GAS2: variants seen among roughly 807,000 people sequenced by gnomAD.
The protein encoded by GAS2 is growth arrest-specific protein 2.
A neutral mutation model predicts 37.5 loss-of-function variants in GAS2; 20 were observed. That is an observed-to-expected ratio of 0.53 (90% confidence interval 0.37 to 0.77). The LOEUF (loss-of-function observed/expected upper bound fraction) is 0.77, where lower values mean the gene tolerates loss of function less well. Among genes scored for constraint, GAS2 ranks in the 30% least tolerant of loss-of-function variants. GAS2 has a pLI of 0.00. For synonymous variants in GAS2, 144 were observed against 132.2 expected, an observed-to-expected ratio of 1.09 and a Z score of -0.61; for missense variants, 336 against 373.4, an observed-to-expected ratio of 0.90 and a Z score of 0.82.
At chr11:22,643,253 A>G (rs1047781740) in intron 1 of GAS2, among the ~76,000 whole-genome samples, 2 of 152,126 alleles carry the variant, frequency 1.3e-5, no homozygotes, top group Non-Finnish European at 2.9e-5. Context: ...GGATTAAAAT[A>G]TAAAAAAGGA....
intron 3 of GAS2, among the ~76,000 whole-genome samples, chr11:22,713,423 G>T (rs113449442): frequency 0.019 from 2,894 of 152,176 alleles, 103 homozygotes; most frequent in African/African-American, 0.066. Flanking sequence ...TAAAAGTTTG[G>T]AAAATTTATT....
chr11:22,650,114 T>G (rs1291331954), intron 1 of GAS2, among the ~76,000 whole-genome samples: 1 of 152,176 alleles, frequency 6.6e-6, no homozygotes, highest in East Asian at 1.9e-4. Flanking sequence ...TCTGGTATGT[T>G]GTGTCTTTTT....
chr11:22,731,415 A>G, intron 4 of GAS2: 4 of 423,564 alleles, frequency 9.4e-6, no homozygotes, highest in Admixed American at 2.8e-5. Context: ...TCTGCGGTGT[A>G]GCATGCAAAT....
chr11:22,704,782 G>A (rs191535037), intron 3 of GAS2, among the ~76,000 whole-genome samples: 271 of 151,588 alleles, frequency 1.8e-3, no homozygotes, highest in Non-Finnish European at 3.2e-3. Context: ...GATTAACACA[G>A]GAGAGATTAA....
intron 3 of GAS2, among the ~76,000 whole-genome samples, chr11:22,714,117 A>G (rs142896816): frequency 9.5e-4 from 145 of 152,308 alleles, no homozygotes; most frequent in African/African-American, 2.8e-3. Context: ...AGTGTCTGCC[A>G]TCTTCAAGAG....
At chr11:22,793,623 G>A (rs1009979932) in intron 7 of GAS2, among the ~76,000 whole-genome samples, 1 of 152,124 alleles carries the variant, frequency 6.6e-6, no homozygotes, top group Non-Finnish European at 1.5e-5. Context: ...GAAAGTTTCT[G>A]AGAGAGAAAT....
At chr11:22,750,439 C>T (rs750984808) in intron 6 of GAS2, among the ~76,000 whole-genome samples, 3 of 152,034 alleles carry the variant, frequency 2.0e-5, no homozygotes, top group Admixed American at 6.6e-5. Flanking sequence ...CTGTTAAGGG[C>T]AGCAAGCATA....
intron 3 of GAS2, among the ~76,000 whole-genome samples, chr11:22,690,134 G>T (rs1185029367): frequency 6.6e-6 from 1 of 152,070 alleles, no homozygotes; most frequent in Non-Finnish European, 1.5e-5. Flanking sequence ...TTACAGCTGT[G>T]TAAACAAATT....
intron 2 of GAS2, among the ~76,000 whole-genome samples, chr11:22,680,426 AC>A (rs1849624505): frequency 6.6e-6 from 1 of 152,086 alleles, no homozygotes; most frequent in Non-Finnish European, 1.5e-5. Flanking sequence ...CAAACTTGAA[AC>A]TTTTGTCTCA....
chr11:22,664,680 A>G (rs967974635), upstream of GAS2, among the ~76,000 whole-genome samples: 7 of 152,158 alleles, frequency 4.6e-5, no homozygotes, highest in African/African-American at 1.7e-4. Context: ...TCCACACTAA[A>G]CTAAGAAAAT....
At chr11:22,664,169 C>T (rs1211661250), upstream of GAS2, among the ~76,000 whole-genome samples, 1 of 151,990 alleles carries the variant, frequency 6.6e-6, no homozygotes, top group Non-Finnish European at 1.5e-5. Context: ...CAAATTTAAC[C>T]CAGTGGCTGT....
intron 7 of GAS2, among the ~76,000 whole-genome samples, chr11:22,780,940 T>C (rs1293675707): frequency 2.6e-5 from 4 of 152,154 alleles, no homozygotes; most frequent in Admixed American, 2.6e-4. Flanking sequence ...ATAAAGTAAA[T>C]GTGGTTCATA....
intron 3 of GAS2, among the ~76,000 whole-genome samples, chr11:22,717,121 A>T (rs1051832249): frequency 8.3e-6 from 1 of 119,840 alleles, no homozygotes; most frequent in Non-Finnish European, 1.8e-5. Context: ...TACAATCATC[A>T]TTCTTCACAT....
intron 3 of GAS2, among the ~76,000 whole-genome samples, chr11:22,697,158 A>G (rs932374434): frequency 9.9e-5 from 15 of 152,236 alleles, no homozygotes; most frequent in African/African-American, 3.1e-4. Context: ...AGCTTTCTAC[A>G]TATGGCTAGC....
At chr11:22,704,222 C>T (rs1258577248) in intron 3 of GAS2, among the ~76,000 whole-genome samples, 1 of 151,980 alleles carries the variant, frequency 6.6e-6, no homozygotes, top group Non-Finnish European at 1.5e-5. Context: ...TTCTTTTAGG[C>T]ACTTGGGTGA....
intron 3 of GAS2, among the ~76,000 whole-genome samples, chr11:22,710,195 A>AACAT (rs1224374662): frequency 4.6e-5 from 7 of 152,018 alleles, no homozygotes; most frequent in African/African-American, 1.7e-4. Context: ...CAAACAAACA[A>AACAT]ACAAACAAAA....
intron 7 of GAS2, among the ~76,000 whole-genome samples, chr11:22,788,153 T>C (rs752705632): frequency 2.6e-5 from 4 of 152,170 alleles, no homozygotes; most frequent in Non-Finnish European, 4.4e-5. Context: ...AGTAAAATGT[T>C]ATATTGTGAG....
chr11:22,748,436 T>C (rs944912162), intron 5 of GAS2, among the ~76,000 whole-genome samples: 16 of 152,140 alleles, frequency 1.1e-4, no homozygotes, highest in Admixed American at 1.0e-3. Flanking sequence ...ATAGTAACTA[T>C]GTCTCTCCCT....
intron 7 of GAS2, among the ~76,000 whole-genome samples, chr11:22,779,105 T>C (rs562390625): frequency 6.6e-6 from 1 of 151,140 alleles, no homozygotes; most frequent in South Asian, 2.1e-4. Flanking sequence ...GGAAAAAAAA[T>C]AGAATCAGGG....
Sources: gnomAD v4.1 joint callset for allele counts (sites outside exome capture counted in the v4.1 genomes callset) on GRCh38, gnomAD v4.1.1 for gene constraint, MANE v1.5 for transcripts, NCBI Gene and HGNC (gene_info 2026-07-23, HGNC 2026-07-21) for gene names.